GPHN: variants seen among roughly 807,000 people sequenced by gnomAD.
GPHN encodes gephyrin.
A neutral mutation model predicts 95.5 loss-of-function variants in GPHN; 17 were observed. That is an observed-to-expected ratio of 0.18 (90% CI 0.12 to 0.27). GPHN has a LOEUF of 0.27. Among genes scored for constraint, GPHN ranks in the 10% least tolerant of loss-of-function variants. The pLI is 1.00. For missense variants in GPHN, 660 were observed against 978.1 expected, an observed-to-expected ratio of 0.67 and a Z score of 4.34; for synonymous variants, 320 against 322.5, an observed-to-expected ratio of 0.99 and a Z score of 0.08.
the GPHN span, among the ~76,000 whole-genome samples, chr14:67,228,804 A>G: frequency 6.6e-6 from 1 of 152,208 alleles, no homozygotes. Context: ...CATTCAAGGT[A>G]GGGACTGTGT....
the GPHN span, chr14:67,294,321 A>G: frequency 6.6e-6 from 1 of 152,218 alleles, no homozygotes; most frequent in South Asian, 2.1e-4. Flanking sequence ...GCACATAGTC[A>G]GAACTCAACA....
chr14:67,024,724 A>G (rs2094350215), intron 10 of GPHN, among the ~76,000 whole-genome samples: 2 of 152,166 alleles, frequency 1.3e-5, no homozygotes, highest in African/African-American at 4.8e-5. Context: ...AGCATGCATC[A>G]AGTATTGCCA....
At chr14:67,504,615 G>A in the GPHN span, among the ~76,000 whole-genome samples, 1 of 152,250 alleles carries the variant, frequency 6.6e-6, no homozygotes, top group Admixed American at 6.5e-5. Context: ...GGCCATGTGC[G>A]GTGGCTCACA....
rs1423121083 is a variant in GPHN at position 66,572,291 on chromosome 14, C to G, written c.64+63700C>G. Among the ~76,000 whole-genome samples the G allele has an allele frequency of 2.6e-5, 4 of 152,106 alleles. No individual in the cohort carries two copies. In the East Asian group the frequency reaches 7.7e-4, roughly 29 times the overall value. ...GATTTTTCTAAATCTGTGAAAAATG[C>G]CATTGGAATTTTGACAGTGGTTACG... On this transcript the variant is annotated intron_variant, in intron 1 of 22. Transcript: ENST00000478722.
intron 2 of GPHN, among the ~76,000 whole-genome samples, chr14:66,774,311 AG>A (rs1247021255): frequency 8.5e-5 from 13 of 152,122 alleles, no homozygotes; most frequent in African/African-American, 3.1e-4. Flanking sequence ...CATATCTACA[AG>A]GTTTTAATGT....
intron 2 of GPHN, among the ~76,000 whole-genome samples, chr14:66,748,759 A>G (rs762105694): frequency 1.3e-5 from 2 of 152,022 alleles, no homozygotes; most frequent in Non-Finnish European, 2.9e-5. Context: ...TCATCTACAC[A>G]TGGCCTCAAG....
At chr14:67,016,196 C>G (rs1344650440) in intron 9 of GPHN, among the ~76,000 whole-genome samples, 3 of 151,826 alleles carry the variant, frequency 2.0e-5, no homozygotes, top group African/African-American at 7.3e-5. Flanking sequence ...TGCCATGGAC[C>G]CATGTGGTAC....
chr14:67,124,162 T>A (rs1202460853), intron 17 of GPHN, among the ~76,000 whole-genome samples: 4 of 152,152 alleles, frequency 2.6e-5, no homozygotes, highest in Non-Finnish European at 4.4e-5. Flanking sequence ...TCCCAGCACT[T>A]TGGGAGGCCA....
At chr14:66,753,523 T>A (rs577870798) in intron 2 of GPHN, among the ~76,000 whole-genome samples, 8 of 151,556 alleles carry the variant, frequency 5.3e-5, no homozygotes, top group African/African-American at 9.7e-5. Context: ...AAAAAAAAAA[T>A]TTTAAAGAAA....
At chr14:67,295,436 G>A in the GPHN span, among the ~76,000 whole-genome samples, 5 of 151,662 alleles carry the variant, frequency 3.3e-5, no homozygotes, top group South Asian at 1.0e-3. Context: ...GTTGCAGTGA[G>A]CTGAGATTGC....
At chr14:66,550,677 A>G (rs1425442189) in intron 1 of GPHN, among the ~76,000 whole-genome samples, 1 of 152,198 alleles carries the variant, frequency 6.6e-6, no homozygotes, top group Non-Finnish European at 1.5e-5. Context: ...CTGATGCAGC[A>G]ACTTCATTGT....
At chr14:67,401,081 T>G in the GPHN span, among the ~76,000 whole-genome samples, 1 of 152,118 alleles carries the variant, frequency 6.6e-6, no homozygotes, top group Non-Finnish European at 1.5e-5. Flanking sequence ...CTAGCCCCAG[T>G]GCCTGAGACT....
chr14:67,336,360 C>T, the GPHN span: 1 of 179,062 alleles, frequency 5.6e-6, no homozygotes, highest in Admixed American at 5.9e-5. Flanking sequence ...AGATAACTGA[C>T]TCCACACAAC....
chr14:66,833,076 A>G (rs1172467876), intron 4 of GPHN, among the ~76,000 whole-genome samples: 1 of 152,146 alleles, frequency 6.6e-6, no homozygotes, highest in African/African-American at 2.4e-5. Flanking sequence ...AAATACAGAA[A>G]TGAGAGATTT....
intron 3 of GPHN, among the ~76,000 whole-genome samples, chr14:66,799,407 G>A (rs1403974674): frequency 6.6e-6 from 1 of 151,892 alleles, no homozygotes; most frequent in African/African-American, 2.4e-5. Context: ...GCTTAAAGTA[G>A]GTGTTGAAGT....
intron 5 of GPHN, among the ~76,000 whole-genome samples, chr14:66,894,597 T>A (rs2064724323): frequency 6.6e-6 from 1 of 152,070 alleles, no homozygotes; most frequent in South Asian, 2.1e-4. Context: ...GGAGAAAATT[T>A]TTGCAATCTA....
chr14:67,651,193 C>G, the GPHN span: 3 of 1,124,668 alleles, frequency 2.7e-6, no homozygotes, highest in South Asian at 4.9e-5. Context: ...GTATATCATA[C>G]TGGTCTTGTT....
intron 11 of GPHN, among the ~76,000 whole-genome samples, chr14:67,073,082 A>G (rs1056095458): frequency 2.0e-5 from 3 of 151,890 alleles, no homozygotes; most frequent in African/African-American, 7.3e-5. Flanking sequence ...TTTTTAATTA[A>G]TGGCCACAGT....
the GPHN span, among the ~76,000 whole-genome samples, chr14:67,731,014 T>C: frequency 2.2e-4 from 33 of 152,318 alleles, no homozygotes; most frequent in Admixed American, 9.8e-4. Context: ...TTTATATTGA[T>C]TGCATGCTAA....
Sources: gnomAD v4.1 joint callset for allele counts (sites outside exome capture counted in the v4.1 genomes callset) on GRCh38, gnomAD v4.1.1 for gene constraint, MANE v1.5 for transcripts, NCBI Gene and HGNC (gene_info 2026-07-23, HGNC 2026-07-21) for gene names.